Variants in WDR70 observed in about 807,000 individuals in gnomAD.
WDR70 encodes WD repeat domain 70.
A neutral mutation model predicts 88.6 loss-of-function variants in WDR70; 53 were observed. That is an observed-to-expected ratio of 0.60 (90% CI 0.48 to 0.75). WDR70 has a LOEUF of 0.75. Among genes scored for constraint, WDR70 ranks in the 30% least tolerant of loss-of-function variants. WDR70 has a pLI of 0.00. For missense variants in WDR70, 610 were observed against 823.2 expected (o/e 0.74, Z 3.17); for synonymous variants, 280 against 270.0 (o/e 1.04, Z -0.36).
intron 8 of WDR70, among the ~76,000 whole-genome samples, chr5:37,502,392 C>T (rs1372484137): frequency 6.6e-6 from 1 of 152,024 alleles, no homozygotes; most frequent in African/African-American, 2.4e-5. Context: ...TTCAACTTTT[C>T]CCCATTTAGT....
chr5:37,496,196 T>A (rs1362885925), intron 8 of WDR70, among the ~76,000 whole-genome samples: 1 of 152,198 alleles, frequency 6.6e-6, no homozygotes, highest in South Asian at 2.1e-4. Context: ...ATCAGCAGGA[T>A]GTGGGCAGGG....
At chr5:37,578,536 G>C (rs960145248) in intron 9 of WDR70, among the ~76,000 whole-genome samples, 2 of 152,088 alleles carry the variant, frequency 1.3e-5, no homozygotes, top group East Asian at 1.9e-4. Flanking sequence ...CTGATTTCTT[G>C]GCTGTGTACC....
chr5:37,649,534 A>G (rs1297617235), intron 10 of WDR70, among the ~76,000 whole-genome samples: 1 of 150,420 alleles, frequency 6.6e-6, no homozygotes, highest in Non-Finnish European at 1.5e-5. Flanking sequence ...AGGGGGAAGC[A>G]TCATGGGAAG....
chr5:37,516,493 C>T, intron 8 of WDR70, 21 bp from the exon 9 acceptor site: 5 of 1,488,770 alleles, frequency 3.4e-6, no homozygotes, highest in Admixed American at 1.8e-5. Flanking sequence ...TCTTTTTTTC[C>T]CCTTTGTCTT....
chr5:37,427,039 G>A (rs1337952678), intron 5 of WDR70, among the ~76,000 whole-genome samples: 3 of 152,140 alleles, frequency 2.0e-5, no homozygotes, highest in Non-Finnish European at 4.4e-5. Flanking sequence ...GTCTCTGAAA[G>A]TTTTAGAATT....
At chr5:37,615,916 C>T (rs1177740120) in intron 10 of WDR70, among the ~76,000 whole-genome samples, 3 of 152,200 alleles carry the variant, frequency 2.0e-5, no homozygotes, top group Admixed American at 2.0e-4. Flanking sequence ...TCACCTTTAA[C>T]TTGTGATGCT....
At chr5:37,493,284 G>A (rs910907982) in intron 8 of WDR70, among the ~76,000 whole-genome samples, 6 of 152,120 alleles carry the variant, frequency 3.9e-5, no homozygotes, top group Admixed American at 3.9e-4. Flanking sequence ...TGAAATCAGG[G>A]TGTCAGTAAG....
chr5:37,641,527 C>T (rs1745103700), intron 10 of WDR70, among the ~76,000 whole-genome samples: 1 of 149,940 alleles, frequency 6.7e-6, no homozygotes, highest in Non-Finnish European at 1.5e-5. Flanking sequence ...AGTGATTATC[C>T]TGCCTCAGCC....
At chr5:37,700,115 C>T (rs867674356) in intron 11 of WDR70, among the ~76,000 whole-genome samples, 5 of 152,134 alleles carry the variant, frequency 3.3e-5, no homozygotes, top group Admixed American at 1.3e-4. Context: ...GAGGAAGCTT[C>T]GCTGTAAAAA....
At chr5:37,600,526 C>CAAAAAAA (rs552804920) in intron 9 of WDR70, among the ~76,000 whole-genome samples, 21 of 101,128 alleles carry the variant, frequency 2.1e-4, no homozygotes, top group African/African-American at 3.6e-4. Flanking sequence ...GACTCCGTCT[C>CAAAAAAA]AAAAAAAAAA....
chr5:37,655,424 G>A (rs1458226861), intron 10 of WDR70, among the ~76,000 whole-genome samples: 1 of 152,036 alleles, frequency 6.6e-6, no homozygotes, highest in Non-Finnish European at 1.5e-5. Flanking sequence ...GTGTGTTGGG[G>A]TTGCTCTTCT....
At chr5:37,394,867 G>A (rs1039755969) in intron 4 of WDR70, among the ~76,000 whole-genome samples, 5 of 152,104 alleles carry the variant, frequency 3.3e-5, no homozygotes, top group Non-Finnish European at 7.4e-5. Flanking sequence ...TTTTTATGGA[G>A]GTTTGCTAGT....
intron 17 of WDR70, among the ~76,000 whole-genome samples, chr5:37,740,145 C>G (rs899510614): frequency 6.6e-6 from 1 of 152,128 alleles, no homozygotes; most frequent in African/African-American, 2.4e-5. Context: ...ATTAGACCAT[C>G]CCCCAGGGAA....
At chr5:37,528,178 A>G (rs1741360711) in intron 9 of WDR70, among the ~76,000 whole-genome samples, 2 of 152,330 alleles carry the variant, frequency 1.3e-5, no homozygotes, top group Middle Eastern at 3.4e-3. Context: ...ACACATGCAC[A>G]TGTATGTTTA....
At chr5:37,716,491 T>C (rs1346562648) in intron 13 of WDR70, among the ~76,000 whole-genome samples, 1 of 152,140 alleles carries the variant, frequency 6.6e-6, no homozygotes, top group Non-Finnish European at 1.5e-5. Flanking sequence ...TCTTTCCAAA[T>C]AGGGCTTTGC....
intron 5 of WDR70, among the ~76,000 whole-genome samples, chr5:37,420,589 G>A (rs562589203): frequency 1.3e-5 from 2 of 152,192 alleles, no homozygotes; most frequent in South Asian, 4.1e-4. Flanking sequence ...AAAGGTGCAT[G>A]CCACCATGCC....
intron 7 of WDR70, among the ~76,000 whole-genome samples, chr5:37,443,850 CA>C (rs954807673): frequency 4.0e-5 from 6 of 151,076 alleles, no homozygotes; most frequent in African/African-American, 7.3e-5. Context: ...GACTCCATCT[CA>C]AAAAAAATTA....
intron 5 of WDR70, among the ~76,000 whole-genome samples, chr5:37,403,789 T>A (rs1296224843): frequency 6.6e-6 from 1 of 152,128 alleles, no homozygotes; most frequent in African/African-American, 2.4e-5. Context: ...TTTTTTTGAC[T>A]CTCATTCAAG....
intron 10 of WDR70, among the ~76,000 whole-genome samples, chr5:37,657,899 C>T (rs574267620): frequency 6.6e-6 from 1 of 152,290 alleles, no homozygotes; most frequent in South Asian, 2.1e-4. Flanking sequence ...AAAAAATACA[C>T]GTTTAACTTT....
Sources: allele counts gnomAD v4.1 joint callset (sites outside exome capture counted in the v4.1 genomes callset), GRCh38; gene constraint gnomAD v4.1.1; transcripts MANE v1.5; gene names NCBI Gene and HGNC (gene_info 2026-07-23, HGNC 2026-07-21).